Variants in PPARGC1A observed in about 807,000 individuals in gnomAD.
PPARGC1A encodes the protein peroxisome proliferator-activated receptor gamma coactivator 1-alpha.
Under a neutral mutation model 88.7 loss-of-function variants are expected in PPARGC1A, and 25 were observed. The ratio of observed to expected loss-of-function variants is 0.28; its 90% confidence interval spans 0.21 to 0.39. PPARGC1A has a LOEUF of 0.39. PPARGC1A is among the 10% of genes least tolerant of loss of function. PPARGC1A has a pLI of 1.00. For synonymous variants in PPARGC1A, 363 were observed against 355.6 expected (o/e 1.02, Z -0.24); for missense variants, 880 against 968.7 (o/e 0.91, Z 1.22).
upstream of PPARGC1A, among the ~76,000 whole-genome samples, chr4:23,890,841 A>G (rs987689532): frequency 5.3e-5 from 8 of 152,138 alleles, no homozygotes; most frequent in African/African-American, 1.9e-4. Flanking sequence ...CCAGAAAACA[A>G]GTGTTAGTAA....
chr4:24,144,381 G>A, the PPARGC1A span, among the ~76,000 whole-genome samples: 2 of 152,066 alleles, frequency 1.3e-5, no homozygotes, highest in Non-Finnish European at 2.9e-5. Flanking sequence ...ATATACATAG[G>A]TCTGAGATTA....
At chr4:23,937,096 T>C in the PPARGC1A span, among the ~76,000 whole-genome samples, 2 of 151,684 alleles carry the variant, frequency 1.3e-5, no homozygotes, top group Non-Finnish European at 2.9e-5. Flanking sequence ...ACTAATTTCA[T>C]GGTCCACAGA....
the PPARGC1A span, among the ~76,000 whole-genome samples, chr4:23,943,659 T>G: frequency 6.6e-6 from 1 of 152,274 alleles, no homozygotes; most frequent in East Asian, 1.9e-4. Flanking sequence ...GAGCTGTATT[T>G]AGTGACCTAT....
At chr4:24,033,581 T>C in the PPARGC1A span, among the ~76,000 whole-genome samples, 4 of 152,188 alleles carry the variant, frequency 2.6e-5, no homozygotes, top group South Asian at 8.3e-4. Context: ...CCATTTAGAA[T>C]TGAAAGAACA....
the PPARGC1A span, among the ~76,000 whole-genome samples, chr4:24,037,674 T>C: frequency 7.2e-5 from 11 of 152,316 alleles, no homozygotes; most frequent in South Asian, 2.3e-3. Context: ...AAGAGAAAAA[T>C]CAGTGGAAGC....
chr4:24,117,575 C>T, the PPARGC1A span, among the ~76,000 whole-genome samples: 18,626 of 150,408 alleles, frequency 0.12, 1,575 homozygotes, highest in African/African-American at 0.24. Context: ...AGGCAAAAAA[C>T]GTGTCTTTGC....
chr4:24,206,777 C>T, the PPARGC1A span, among the ~76,000 whole-genome samples: 6 of 128,750 alleles, frequency 4.7e-5, 1 homozygote, highest in African/African-American at 1.7e-4. Context: ...GAGGTGGAGG[C>T]TGCAGTGAGC....
At chr4:24,365,503 A>G in the PPARGC1A span, among the ~76,000 whole-genome samples, 8 of 152,148 alleles carry the variant, frequency 5.3e-5, no homozygotes, top group Non-Finnish European at 1.0e-4. Context: ...CTGCCCCTGT[A>G]TTTATTTTAT....
At chr4:24,189,131 C>T in the PPARGC1A span, among the ~76,000 whole-genome samples, 9,160 of 152,004 alleles carry the variant, frequency 0.06, 371 homozygotes, top group African/African-American at 0.1. Context: ...ACGCTGGTTG[C>T]CAGGGGTTAG....
the PPARGC1A span, among the ~76,000 whole-genome samples, chr4:24,412,759 G>T: frequency 6.6e-6 from 1 of 152,190 alleles, no homozygotes; most frequent in Non-Finnish European, 1.5e-5. Flanking sequence ...GGATTACAGG[G>T]CCTGAGCCAC....
At chr4:24,358,875 G>T in the PPARGC1A span, among the ~76,000 whole-genome samples, 1 of 152,176 alleles carries the variant, frequency 6.6e-6, no homozygotes, top group South Asian at 2.1e-4. Flanking sequence ...GTTGTGTGAA[G>T]AAGCTCAACA....
At chr4:24,262,481 A>G in the PPARGC1A span, among the ~76,000 whole-genome samples, 2 of 152,136 alleles carry the variant, frequency 1.3e-5, no homozygotes, top group Non-Finnish European at 2.9e-5. Context: ...TGAAACGAAC[A>G]CATCAATTTT....
chr4:24,331,641 A>T, the PPARGC1A span, among the ~76,000 whole-genome samples: 2 of 152,290 alleles, frequency 1.3e-5, no homozygotes, highest in East Asian at 1.9e-4. Flanking sequence ...ACCATGGAGC[A>T]GTTGTGCTCA....
chr4:24,323,032 T>A, the PPARGC1A span, among the ~76,000 whole-genome samples: 3 of 152,228 alleles, frequency 2.0e-5, no homozygotes, highest in African/African-American at 7.2e-5. Context: ...AGCATGGGTT[T>A]GGACCTCAGG....
chr4:24,148,041 TC>T, the PPARGC1A span, among the ~76,000 whole-genome samples: 1 of 152,044 alleles, frequency 6.6e-6, no homozygotes, highest in African/African-American at 2.4e-5. Flanking sequence ...GAAAATCCAG[TC>T]CCCAGTTTCT....
chr4:24,116,841 C>A, the PPARGC1A span, among the ~76,000 whole-genome samples: 2 of 152,188 alleles, frequency 1.3e-5, no homozygotes, highest in Non-Finnish European at 2.9e-5. Context: ...ATCCCCTACA[C>A]CACAGCATTG....
chr4:24,178,453 A>G, the PPARGC1A span, among the ~76,000 whole-genome samples: 1 of 152,202 alleles, frequency 6.6e-6, no homozygotes, highest in Admixed American at 6.5e-5. Flanking sequence ...AGGAAACAGT[A>G]CCAAATCTTT....
At chr4:24,232,006 G>C in the PPARGC1A span, among the ~76,000 whole-genome samples, 1 of 152,134 alleles carries the variant, frequency 6.6e-6, no homozygotes, top group Non-Finnish European at 1.5e-5. Context: ...GGTATACACT[G>C]TCTACTTTTC....
At chr4:23,818,459 T>A (rs1722376545) in intron 7 of PPARGC1A, among the ~76,000 whole-genome samples, 1 of 152,162 alleles carries the variant, frequency 6.6e-6, no homozygotes, top group African/African-American at 2.4e-5. Flanking sequence ...CAGAATGTAA[T>A]GGGTGTCAGA....
Sources: gnomAD v4.1 joint callset for allele counts (sites outside exome capture counted in the v4.1 genomes callset) on GRCh38, gnomAD v4.1.1 for gene constraint, MANE v1.5 for transcripts, NCBI Gene and HGNC (gene_info 2026-07-23, HGNC 2026-07-21) for gene names.